Variants in ANO4 observed in about 807,000 individuals in gnomAD.
ANO4 encodes the protein anoctamin 4.
A neutral mutation model predicts 141.9 loss-of-function variants in ANO4; 69 were observed. The observed-to-expected ratio is 0.49, with a 90% CI of 0.40 to 0.59. ANO4 has a LOEUF of 0.59. ANO4 is among the 20% of genes least tolerant of loss of function. The pLI is 0.00. For missense variants in ANO4, 894 were observed against 1,162.2 expected (o/e 0.77, Z 3.36); for synonymous variants, 350 against 394.3 (o/e 0.89, Z 1.33).
At chr12:101,067,677 T>C (rs934974430) in intron 14 of ANO4, among the ~76,000 whole-genome samples, 2 of 152,180 alleles carry the variant, frequency 1.3e-5, no homozygotes, top group African/African-American at 4.8e-5. Context: ...AGTGAGACTC[T>C]GTCTCCCAAA....
intron 8 of ANO4, among the ~76,000 whole-genome samples, chr12:101,003,350 A>T (rs2045731610): frequency 6.6e-6 from 1 of 152,248 alleles, no homozygotes; most frequent in African/African-American, 2.4e-5. Context: ...GCACAACCAC[A>T]CATTGACTTT....
chr12:101,055,139 T>A (rs2048056744), intron 14 of ANO4, among the ~76,000 whole-genome samples: 1 of 152,216 alleles, frequency 6.6e-6, no homozygotes, highest in Non-Finnish European at 1.5e-5. Context: ...GCTCTTCTAG[T>A]TTTTTGTTTT....
intron 3 of ANO4, 48 bp downstream of exon 3, chr12:100,922,378 A>G: frequency 1.5e-6 from 2 of 1,353,468 alleles, no homozygotes; most frequent in Non-Finnish European, 2.0e-6. Flanking sequence ...AGAAGCTATT[A>G]TAATACTTGG....
At chr12:100,919,487 T>G (rs1408993099) in intron 2 of ANO4, among the ~76,000 whole-genome samples, 1 of 152,182 alleles carries the variant, frequency 6.6e-6, no homozygotes, top group Non-Finnish European at 1.5e-5. Context: ...AGTAACATGC[T>G]GTACAGGTTT....
At chr12:101,089,042 G>A (rs113143619) in intron 17 of ANO4, among the ~76,000 whole-genome samples, 161 of 152,006 alleles carry the variant, frequency 1.1e-3, no homozygotes, top group African/African-American at 3.7e-3. Context: ...CTTAAATCTG[G>A]GCCATAATGC....
chr12:100,805,855 A>T (rs1458257478), intron 1 of ANO4, among the ~76,000 whole-genome samples: 2 of 152,198 alleles, frequency 1.3e-5, no homozygotes, highest in African/African-American at 4.8e-5. Context: ...TCTGTATCAT[A>T]GAACCTAAAC....
At chr12:101,114,092 G>A (rs1432680782) in intron 24 of ANO4, among the ~76,000 whole-genome samples, 1 of 152,188 alleles carries the variant, frequency 6.6e-6, no homozygotes, top group Non-Finnish European at 1.5e-5. Flanking sequence ...GTGGGTCACA[G>A]TGAGGGTATA....
At chr12:100,747,734 G>A (rs1407777342) in intron 3 of ANO4, among the ~76,000 whole-genome samples, 1 of 152,194 alleles carries the variant, frequency 6.6e-6, no homozygotes, top group Non-Finnish European at 1.5e-5. Flanking sequence ...TTAGCTGGGT[G>A]TGGTGGCATG....
chr12:100,725,072 T>C (rs190690040), intron 1 of ANO4, among the ~76,000 whole-genome samples: 170 of 152,342 alleles, frequency 1.1e-3, no homozygotes, highest in African/African-American at 3.9e-3. Flanking sequence ...TAGGTAGTTA[T>C]TAAAGGAATC....
At chr12:100,869,493 T>C (rs1032219702) in intron 1 of ANO4, among the ~76,000 whole-genome samples, 4 of 152,172 alleles carry the variant, frequency 2.6e-5, no homozygotes, top group Admixed American at 2.6e-4. Flanking sequence ...AGTTTTCATA[T>C]TTGTCCGTGT....
chr12:101,002,831 G>A (rs2045708539), intron 8 of ANO4, among the ~76,000 whole-genome samples: 1 of 152,282 alleles, frequency 6.6e-6, no homozygotes, highest in East Asian at 1.9e-4. Context: ...GGGAGCTCCA[G>A]ACTAAGTTTC....
chr12:101,087,298 G>A (rs1297247119), intron 17 of ANO4, among the ~76,000 whole-genome samples: 7 of 151,450 alleles, frequency 4.6e-5, no homozygotes, highest in South Asian at 2.1e-4. Flanking sequence ...CCAGAGGATC[G>A]CTTGAGCCCA....
At chr12:100,822,238 C>A (rs1179389882) in intron 1 of ANO4, among the ~76,000 whole-genome samples, 2 of 152,008 alleles carry the variant, frequency 1.3e-5, no homozygotes, top group Non-Finnish European at 2.9e-5. Context: ...CTCTGTGCTG[C>A]TGAGCCACAG....
intron 19 of ANO4, among the ~76,000 whole-genome samples, chr12:101,097,357 T>G (rs182695996): frequency 4.7e-4 from 72 of 152,328 alleles, no homozygotes; most frequent in Admixed American, 1.4e-3. Context: ...GTAAAACTTC[T>G]GCTTACACAG....
chr12:100,740,084 A>G (rs1593250147), exon 3 of ANO4: 2 of 702,512 alleles, frequency 2.8e-6, no homozygotes, highest in Middle Eastern at 2.3e-4. Flanking sequence ...CAGCCAGGAA[A>G]CCCTGAGTCA....
intron 1 of ANO4, among the ~76,000 whole-genome samples, chr12:100,730,104 C>T (rs534730232): frequency 1.3e-5 from 2 of 152,154 alleles, no homozygotes; most frequent in East Asian, 3.9e-4. Flanking sequence ...AGTCTTCTTC[C>T]TTCCAAAATC....
chr12:101,012,344 G>A (rs1309226550), intron 8 of ANO4, among the ~76,000 whole-genome samples: 2 of 152,130 alleles, frequency 1.3e-5, no homozygotes, highest in Non-Finnish European at 2.9e-5. Flanking sequence ...GAATAAAACA[G>A]GGTAATGGAG....
At chr12:101,074,091 A>G (rs566073786) in intron 14 of ANO4, among the ~76,000 whole-genome samples, 1 of 152,278 alleles carries the variant, frequency 6.6e-6, no homozygotes, top group East Asian at 1.9e-4. Flanking sequence ...CTTCAATGCA[A>G]TGTCTTAGTG....
chr12:100,748,004 T>A (rs1213689596), intron 3 of ANO4, among the ~76,000 whole-genome samples: 1 of 152,178 alleles, frequency 6.6e-6, no homozygotes, highest in Non-Finnish European at 1.5e-5. Context: ...GGAGTCTAGC[T>A]TTTACCTGTG....
Sources: gnomAD v4.1 joint callset for allele counts (sites outside exome capture counted in the v4.1 genomes callset) on GRCh38, gnomAD v4.1.1 for gene constraint, MANE v1.5 for transcripts, NCBI Gene and HGNC (gene_info 2026-07-23, HGNC 2026-07-21) for gene names.